DMXL1: variants seen among roughly 807,000 people sequenced by gnomAD.
DMXL1 encodes dmX-like protein 1.
A neutral mutation model predicts 319.2 loss-of-function variants in DMXL1; 99 were observed. The observed-to-expected ratio is 0.31, with a 90% CI of 0.26 to 0.37. The LOEUF (loss-of-function observed/expected upper bound fraction) is 0.37. Among genes scored for constraint, DMXL1 ranks in the 10% least tolerant of loss-of-function variants. The probability of loss-of-function intolerance (pLI) is 1.00; values close to 1 mark genes in which losing one functional copy is unlikely to be tolerated. For synonymous variants in DMXL1, 1,385 were observed against 1,235.2 expected (o/e 1.12, Z -2.54); for missense variants, 3,745 against 3,595.6 (o/e 1.04, Z -1.06).
intron 37 of DMXL1, 115 bp downstream of exon 37, chr5:119,221,196 C>A: frequency 1.4e-6 from 1 of 690,524 alleles, no homozygotes; most frequent in Non-Finnish European, 2.2e-6. Context: ...TTTAGTAAGT[C>A]TTACATGTTG....
intron 4 of DMXL1, among the ~76,000 whole-genome samples, chr5:119,109,540 AT>A (rs572359182): frequency 4.5e-4 from 69 of 152,202 alleles, no homozygotes; most frequent in African/African-American, 1.6e-3. Context: ...TTCCGTAGTA[AT>A]TTTTTTTCTA....
intron 9 of DMXL1, among the ~76,000 whole-genome samples, chr5:119,123,302 A>G (rs1008874695): frequency 2.3e-5 from 3 of 131,022 alleles, no homozygotes; most frequent in Non-Finnish European, 4.8e-5. Context: ...GGAAAGAGGG[A>G]GAGGGGAGAC....
In DMXL1 at chr5:119,121,094, G is replaced by A. The variant is rs774225987; in HGVS notation, c.1057G>A (p.Ala353Thr). ...VHRNTPLHAN[A>T]LCHFHIAASI... Reference sequence around the variant, plus strand: ...CAGGAACACTCCACTGCATGCCAATGCACTTTGCCACTTTCATATTGCAGC... The same window carrying A: ...CAGGAACACTCCACTGCATGCCAATACACTTTGCCACTTTCATATTGCAGC... Residue 353 changes from alanine (A) to threonine (T), a missense_variant, in exon 9 of 44, where the codon GCA (alanine) becomes ACA (threonine). Ala to Thr is a moderately conservative substitution (Grantham distance 58). Transcript: ENST00000539542. 6.2e-7 allele frequency: 1 copy of A among 1,609,860 alleles called. No homozygotes were observed.
chr5:119,222,701 A>G (rs1012384965), intron 37 of DMXL1, among the ~76,000 whole-genome samples: 9 of 152,142 alleles, frequency 5.9e-5, no homozygotes, highest in East Asian at 1.9e-4. Context: ...AGATTTCCCA[A>G]TACGGCTTTT....
At position 119,177,885 on chromosome 5, in the gene DMXL1, G is replaced by C. The variant is rs1022953545; in HGVS notation, c.6887-111G>C. The C allele has an allele frequency of 2.1e-5, 20 of 972,838 alleles. No homozygotes were observed. The African/African-American group carries it at 2.5e-4, about 12-fold the overall frequency. The allele number at this position is 972,838 out of a possible 1,614,324, so 60.3% of individuals were successfully genotyped here. ...CTGTGAATCTAGGGAAGAAAATACA[G>C]TATTAACTCCTGATGCAATACATTT... On this transcript the variant is annotated intron_variant, in intron 27 of 43. Transcript: ENST00000539542.
At chr5:119,104,468 T>G (rs1272627958) in intron 3 of DMXL1, among the ~76,000 whole-genome samples, 1 of 152,216 alleles carries the variant, frequency 6.6e-6, no homozygotes. Context: ...CAGGCTATTA[T>G]TTGTTGTACC....
At chr5:119,232,625 A>G (rs1786979550) in intron 38 of DMXL1, among the ~76,000 whole-genome samples, 1 of 152,128 alleles carries the variant, frequency 6.6e-6, no homozygotes, top group Admixed American at 6.6e-5. Context: ...CTAGTATAAC[A>G]CAAATAATAA....
Position 119,097,983 on chromosome 5 carries a change from A to T in DMXL1, c.92A>T (p.Tyr31Phe). ...TTTATTTATTTATTTTTTTAGGCTT[A>T]TGCATCTGGATGTGACATTGTAATA... ...GSIGDQRFTAYASGCDIVILG... is the reference protein window; with the variant it reads ...GSIGDQRFTAFASGCDIVILG... The change falls in exon 2 of 44, where the codon TAT becomes TTT. Residue 31 changes from tyrosine to phenylalanine, a missense_variant. This residue lies in a region of DMXL1 where 2,096 missense variants were observed against 1,985.4 expected (regional missense o/e 1.06). Coordinates refer to ENST00000539542, the MANE Select transcript of DMXL1 (RefSeq NM_001290321.3). The T allele has an allele frequency of 6.2e-7, 1 of 1,604,534 alleles. No individual in the cohort carries two copies. Among genetic ancestry groups the T allele is most frequent in the South Asian group, 1.1e-5 (1 of 88,702 alleles).
At chr5:119,128,092 A>T in intron 9 of DMXL1, 2 of 473,142 alleles carry the variant, frequency 4.2e-6, no homozygotes, top group South Asian at 3.3e-5. Flanking sequence ...ACTATTACCC[A>T]TTGCAAGTCT....
intron 34 of DMXL1, among the ~76,000 whole-genome samples, chr5:119,214,943 C>T (rs1361854874): frequency 2.0e-5 from 3 of 152,216 alleles, no homozygotes; most frequent in Non-Finnish European, 4.4e-5. Flanking sequence ...TCATCTTTCT[C>T]TGTCGCCAAT....
intron 1 of DMXL1, among the ~76,000 whole-genome samples, chr5:119,077,235 T>A (rs978376845): frequency 6.6e-6 from 1 of 152,166 alleles, no homozygotes. Context: ...CAGGTGAGCC[T>A]CCCTGTGATT....
chr5:119,187,643 G>A (rs1448769328), intron 28 of DMXL1, among the ~76,000 whole-genome samples: 1 of 152,012 alleles, frequency 6.6e-6, no homozygotes, highest in Non-Finnish European at 1.5e-5. Context: ...CTTTGGTCCT[G>A]CTTCATTAAA....
At chr5:119,167,520 T>C in intron 22 of DMXL1, 83 bp from the exon 23 acceptor site, 1 of 1,112,838 alleles carries the variant, frequency 9.0e-7, no homozygotes, top group Non-Finnish European at 1.3e-6. Flanking sequence ...CTTTATATTT[T>C]TCTAGTTATT....
intron 13 of DMXL1, among the ~76,000 whole-genome samples, chr5:119,139,795 C>A (rs191780955): frequency 6.8e-4 from 104 of 152,302 alleles, no homozygotes; most frequent in African/African-American, 2.3e-3. Flanking sequence ...TGCTGCAGAA[C>A]TCTCCACCCA....
At chr5:119,136,419 A>G (rs1443669478) in intron 13 of DMXL1, among the ~76,000 whole-genome samples, 1 of 152,258 alleles carries the variant, frequency 6.6e-6, no homozygotes, top group Non-Finnish European at 1.5e-5. Flanking sequence ...GGTAGAAAAG[A>G]AAAACTCATT....
chr5:119,129,263 G>T lies in DMXL1; in HGVS notation c.1155G>T (p.Glu385Asp). The change falls in exon 10 of 44, where the codon GAG becomes GAT. Residue 385 changes from glutamate (E) to aspartate (D), a missense_variant. Glu to Asp is a conservative substitution (Grantham distance 45). This residue lies in a region of DMXL1 where 2,096 missense variants were observed against 1,985.4 expected (regional missense o/e 1.06). Transcript: ENST00000539542. ...CTCTGAGTCTAAATGAAAATGAAGA[G>T]AAGACCGGACCTTTTGTTGTACACT... ...ITSLSLNENE[E>D]KTGPFVVHWL... The T allele has an allele frequency of 6.2e-7, 1 of 1,613,494 alleles. No individual in the cohort carries two copies. The highest frequency in any genetic ancestry group is 8.5e-7 in the Non-Finnish European group (1 of 1,179,682).
chr5:119,229,907 C>A (rs942437358), intron 38 of DMXL1, among the ~76,000 whole-genome samples: 8 of 152,058 alleles, frequency 5.3e-5, no homozygotes, highest in African/African-American at 1.9e-4. Context: ...TACTAACAGA[C>A]CCAAATATCT....
intron 38 of DMXL1, among the ~76,000 whole-genome samples, chr5:119,229,000 G>T (rs557030818): frequency 6.6e-6 from 1 of 151,434 alleles, no homozygotes; most frequent in Non-Finnish European, 1.5e-5. Flanking sequence ...AAGACATGAA[G>T]CACAGGAAAT....
intron 7 of DMXL1, among the ~76,000 whole-genome samples, chr5:119,117,928 G>A (rs140135147): frequency 4.5e-4 from 69 of 152,210 alleles, no homozygotes; most frequent in Non-Finnish European, 9.0e-4. Context: ...TGATTGTTCC[G>A]TTTTTAAAAA....
Sources: gnomAD v4.1 joint callset for allele counts (sites outside exome capture counted in the v4.1 genomes callset) on GRCh38, gnomAD v4.1.1 for gene constraint, gnomAD v4.1.1 regional missense constraint, MANE v1.5 for transcripts, NCBI Gene and HGNC (gene_info 2026-07-23, HGNC 2026-07-21) for gene names.